Variants in MTMR9 observed in about 807,000 individuals in gnomAD.
MTMR9 encodes myotubularin-related protein 9.
Under a neutral mutation model 69.5 loss-of-function variants are expected in MTMR9, and 39 were observed. That is an observed-to-expected ratio of 0.56 (90% CI 0.43 to 0.73). The LOEUF is 0.73. MTMR9 is among the 30% of genes least tolerant of loss of function. The pLI is 0.00. For synonymous variants in MTMR9, 354 were observed against 240.8 expected, an observed-to-expected ratio of 1.47 and a Z score of -4.35; for missense variants, 900 against 671.2, an observed-to-expected ratio of 1.34 and a Z score of -3.77.
the MTMR9 span, among the ~76,000 whole-genome samples, chr8:11,335,892 A>G: frequency 6.6e-6 from 1 of 152,122 alleles, no homozygotes. Flanking sequence ...CAATAACCCT[A>G]TTTCCAAATA....
At chr8:11,302,846 A>G (rs1799797682) in intron 3 of MTMR9, among the ~76,000 whole-genome samples, 1 of 152,174 alleles carries the variant, frequency 6.6e-6, no homozygotes, top group Non-Finnish European at 1.5e-5. Context: ...ACCAAACACA[A>G]TTTTGAAGAG....
chr8:11,322,923 A>G lies in MTMR9; in HGVS notation c.*135A>G. 1.5e-6 allele frequency: 1 copy of G among 671,740 alleles called. No individual in the cohort carries two copies. The highest frequency in any genetic ancestry group is 2.5e-6 in the Non-Finnish European group (1 of 406,460). 41.6% of individuals were successfully genotyped at this position (671,740 alleles called of 1,614,324 possible). ...ATGTGGGACCCCCCTAATGTAATGG[A>G]TTTCTCAATACTGTATGAATAATGA... On this transcript the variant is annotated 3_prime_UTR_variant, in exon 10 of 10. Transcript: ENST00000221086.
chr8:11,285,924 A>T lies in MTMR9; in HGVS notation c.182+854A>T, dbSNP rs951079568. On this transcript the variant is annotated intron_variant, in intron 1 of 9. Coordinates refer to ENST00000221086, the MANE Select transcript of MTMR9 (RefSeq NM_015458.4). Reference sequence around the variant, plus strand: ...AGATTCGTACAGAGGATATGCCTTAAAATAATAATCTCTTTCTTTCTTTCT... The same window carrying T: ...AGATTCGTACAGAGGATATGCCTTATAATAATAATCTCTTTCTTTCTTTCT... Among the ~76,000 whole-genome samples the T allele has an allele frequency of 2.5e-4, 38 of 151,808 alleles. 1 individual carries two copies. Among genetic ancestry groups the T allele is most frequent in the Admixed American group, 2.6e-4 (4 of 15,238 alleles).
chr8:11,306,109 C>G (rs1044743926), intron 4 of MTMR9, 81 bp from the exon 5 acceptor site: 2 of 1,223,646 alleles, frequency 1.6e-6, no homozygotes, highest in Non-Finnish European at 2.3e-6. Flanking sequence ...TTGAGATACT[C>G]TTAATCTAGC....
At chr8:11,305,077 A>G (rs983100926) in intron 4 of MTMR9, 63 bp downstream of exon 4, 15 of 1,513,976 alleles carry the variant, frequency 9.9e-6, no homozygotes, top group African/African-American at 1.4e-5. Context: ...TTTTCGTAGA[A>G]ATGTTCCCTT....
intron 9 of MTMR9, 85 bp from the exon 10 acceptor site, chr8:11,322,540 A>G: frequency 8.6e-7 from 1 of 1,164,510 alleles, no homozygotes; most frequent in South Asian, 1.3e-5. Context: ...TGTATAATAC[A>G]TAAATTACAT....
intron 3 of MTMR9, among the ~76,000 whole-genome samples, chr8:11,301,195 C>A (rs1585116841): frequency 6.6e-6 from 1 of 151,970 alleles, no homozygotes; most frequent in African/African-American, 2.4e-5. Context: ...TATGGAAATG[C>A]AAATTTAAAT....
intron 2 of MTMR9, among the ~76,000 whole-genome samples, chr8:11,299,323 C>T (rs1433020814): frequency 6.6e-6 from 1 of 152,192 alleles, no homozygotes; most frequent in Non-Finnish European, 1.5e-5. Flanking sequence ...AAAACTCTGT[C>T]TCAGAATAAA....
intron 1 of MTMR9, chr8:11,285,377 G>T: frequency 7.4e-6 from 2 of 269,966 alleles, no homozygotes; most frequent in South Asian, 1.7e-4. Context: ...TCTTCTTCTT[G>T]CCCCATCGTA....
In MTMR9 at chr8:11,322,781, G is replaced by T; in HGVS notation, c.1643G>T (p.Ser548Ile). The T allele has an allele frequency of 1.2e-6, 2 of 1,613,672 alleles. No homozygotes were observed. The highest frequency in any genetic ancestry group is 1.7e-6 in the Non-Finnish European group (2 of 1,179,796). Reference sequence around the variant, plus strand: ...GAAACAGAGGACGGGATGCAGGAGAGTCCCTGAAAGGTCTCCTCGCACCCT... The same window carrying T: ...GAAACAGAGGACGGGATGCAGGAGATTCCCTGAAAGGTCTCCTCGCACCCT... ...ELETEDGMQE[S>I]P Residue 548 changes from serine to isoleucine, a missense_variant, in exon 10 of 10, where the codon AGT becomes ATT. Transcript: ENST00000221086.
chr8:11,294,279 T>C (rs1799471331), intron 1 of MTMR9, among the ~76,000 whole-genome samples: 1 of 152,160 alleles, frequency 6.6e-6, no homozygotes. Flanking sequence ...CTAGAAGTGG[T>C]GACAGTGAAC....
At chr8:11,303,119 G>T (rs1346964571) in intron 3 of MTMR9, among the ~76,000 whole-genome samples, 1 of 149,876 alleles carries the variant, frequency 6.7e-6, no homozygotes. Flanking sequence ...TTGCATGGAA[G>T]ACCAAAAGAC....
chr8:11,332,012 T>A (rs768317820), downstream of MTMR9: 4 of 1,611,720 alleles, frequency 2.5e-6, no homozygotes, highest in Non-Finnish European at 3.4e-6. Flanking sequence ...ATATGCTCCA[T>A]GAGACTGTGG....
chr8:11,330,356 C>T (rs567268879), downstream of MTMR9, among the ~76,000 whole-genome samples: 167 of 152,200 alleles, frequency 1.1e-3, no homozygotes, highest in Non-Finnish European at 1.8e-3. Flanking sequence ...CGCCTCTGCC[C>T]GGCTGCCCCT....
At chr8:11,328,471 A>G (rs552875593), downstream of MTMR9, among the ~76,000 whole-genome samples, 22 of 152,254 alleles carry the variant, frequency 1.4e-4, no homozygotes, top group Admixed American at 1.1e-3. Context: ...AATTAGGAAT[A>G]TGTATTCTAC....
chr8:11,313,030 T>C (rs1230366427), intron 6 of MTMR9, among the ~76,000 whole-genome samples: 2 of 152,256 alleles, frequency 1.3e-5, no homozygotes, highest in African/African-American at 4.8e-5. Flanking sequence ...GCAGGCTTCA[T>C]TGTTCCATTT....
chr8:11,331,760 C>T (rs759817969), downstream of MTMR9: 14 of 1,611,938 alleles, frequency 8.7e-6, no homozygotes, highest in Non-Finnish European at 1.2e-5. Flanking sequence ...TTCCCTCCTG[C>T]CTCCCAACAG....
At chr8:11,331,974 G>A, downstream of MTMR9, 2 of 1,612,000 alleles carry the variant, frequency 1.2e-6, no homozygotes, top group South Asian at 2.2e-5. Context: ...GCATTCCGAG[G>A]TGGTTGTGGC....
At chr8:11,311,881 C>CTTTTTTTTT (rs35158873) in intron 6 of MTMR9, among the ~76,000 whole-genome samples, 1 of 144,896 alleles carries the variant, frequency 6.9e-6, no homozygotes. Flanking sequence ...TATTCTAAAT[C>CTTTTTTTTT]TTTTTTTTTT....
Sources: gnomAD v4.1 joint callset for allele counts (sites outside exome capture counted in the v4.1 genomes callset) on GRCh38, gnomAD v4.1.1 for gene constraint, MANE v1.5 for transcripts, NCBI Gene and HGNC (gene_info 2026-07-23, HGNC 2026-07-21) for gene names.